The following RPTOR variants were observed in gnomAD, a reference collection of about 807,000 sequenced individuals.
RPTOR encodes the protein regulatory-associated protein of mTOR.
A neutral mutation model predicts 169.9 loss-of-function variants in RPTOR; 21 were observed. That is an observed-to-expected ratio of 0.12 (90% CI 0.09 to 0.18). The LOEUF is 0.18. Ranked by LOEUF, RPTOR falls within the 10% of genes least tolerant of loss-of-function variation. The probability of loss-of-function intolerance (pLI) is 1.00; values close to 1 mark genes in which losing one functional copy is unlikely to be tolerated. For synonymous variants in RPTOR, 732 were observed against 753.2 expected, an observed-to-expected ratio of 0.97 and a Z score of 0.46; for missense variants, 1,133 against 1,855.9, an observed-to-expected ratio of 0.61 and a Z score of 7.16.
intron 1 of RPTOR, among the ~76,000 whole-genome samples, chr17:80,564,447 C>T (rs561119314): frequency 6.6e-5 from 10 of 152,180 alleles, no homozygotes; most frequent in Non-Finnish European, 1.2e-4. Context: ...TAGGAGATAC[C>T]GCCACACCCT....
At chr17:80,824,856 G>T (rs1214102419) in intron 9 of RPTOR, among the ~76,000 whole-genome samples, 1 of 152,270 alleles carries the variant, frequency 6.6e-6, no homozygotes, top group African/African-American at 2.4e-5. Flanking sequence ...GGAGTCCGTG[G>T]TCAAAGACCA....
At chr17:80,792,092 G>A (rs977003014) in intron 7 of RPTOR, among the ~76,000 whole-genome samples, 2 of 152,092 alleles carry the variant, frequency 1.3e-5, no homozygotes, top group Non-Finnish European at 2.9e-5. Context: ...GATCTGAAGT[G>A]GTGTTTCAGG....
intron 25 of RPTOR, among the ~76,000 whole-genome samples, chr17:80,945,384 A>C (rs2069088750): frequency 6.6e-6 from 1 of 152,132 alleles, no homozygotes; most frequent in Non-Finnish European, 1.5e-5. Flanking sequence ...CAAGGTCAGG[A>C]GATCAAGACC....
intron 5 of RPTOR, among the ~76,000 whole-genome samples, chr17:80,751,257 C>G (rs1340740027): frequency 1.3e-5 from 2 of 152,132 alleles, no homozygotes; most frequent in African/African-American, 4.8e-5. Context: ...GTCGTAGGTG[C>G]TTGGTGGAGA....
intron 13 of RPTOR, among the ~76,000 whole-genome samples, chr17:80,867,411 A>G (rs1449365437): frequency 3.3e-5 from 5 of 152,042 alleles, no homozygotes; most frequent in Admixed American, 6.5e-5. Context: ...AACTTCGTCT[A>G]CCTGACAAAC....
chr17:80,749,034 A>G (rs60172170), intron 5 of RPTOR, among the ~76,000 whole-genome samples: 3 of 17,132 alleles, frequency 1.8e-4, no homozygotes, highest in Admixed American at 1.3e-3. Flanking sequence ...TGGCGGGAGG[A>G]CCTGTTGGAT....
At chr17:80,774,456 GT>G in intron 6 of RPTOR, 1 of 682,010 alleles carries the variant, frequency 1.5e-6, no homozygotes, top group Non-Finnish European at 1.8e-6. Context: ...ACATCACTGT[GT>G]TACTGATGAG....
intron 3 of RPTOR, among the ~76,000 whole-genome samples, chr17:80,665,965 C>G (rs553365944): frequency 6.6e-6 from 1 of 152,298 alleles, no homozygotes; most frequent in Admixed American, 6.5e-5. Context: ...ATCTCTCCCT[C>G]CCATCTGCCT....
At chr17:80,890,424 C>T (rs2068306374) in intron 17 of RPTOR, among the ~76,000 whole-genome samples, 1 of 152,144 alleles carries the variant, frequency 6.6e-6, no homozygotes, top group South Asian at 2.1e-4. Flanking sequence ...CTGTGGTTTG[C>T]CAGGGGAGCC....
At chr17:80,825,978 G>A (rs764150851) in intron 9 of RPTOR, among the ~76,000 whole-genome samples, 6 of 152,168 alleles carry the variant, frequency 3.9e-5, no homozygotes, top group Non-Finnish European at 5.9e-5. Flanking sequence ...CTGGGTCAGC[G>A]GTGGAGGGGT....
At chr17:80,761,763 C>T (rs1045922811) in intron 6 of RPTOR, among the ~76,000 whole-genome samples, 5 of 152,188 alleles carry the variant, frequency 3.3e-5, no homozygotes, top group African/African-American at 1.2e-4. Flanking sequence ...TCAGTGCTCT[C>T]GGGTCTTTTG....
chr17:80,709,016 CG>C (rs1316160368), intron 4 of RPTOR: 13 of 985,444 alleles, frequency 1.3e-5, no homozygotes, highest in Non-Finnish European at 1.4e-5. Context: ...AGCTAGCATT[CG>C]GCACAGGTGG....
At chr17:80,752,196 C>G (rs889316359) in intron 5 of RPTOR, among the ~76,000 whole-genome samples, 7 of 152,212 alleles carry the variant, frequency 4.6e-5, no homozygotes, top group African/African-American at 1.7e-4. Context: ...CTCTTTCTGT[C>G]CCTTTGTTTC....
chr17:80,879,356 C>T (rs1257737890), intron 13 of RPTOR, among the ~76,000 whole-genome samples: 3 of 150,686 alleles, frequency 2.0e-5, no homozygotes, highest in Non-Finnish European at 4.4e-5. Context: ...CACCTGCCCC[C>T]GCCTGCCCTG....
At chr17:80,848,934 G>A (rs749412622) in intron 11 of RPTOR, among the ~76,000 whole-genome samples, 17 of 152,188 alleles carry the variant, frequency 1.1e-4, no homozygotes, top group Non-Finnish European at 1.6e-4. Flanking sequence ...TCGGAGCGTG[G>A]GGCATTTCCC....
intron 28 of RPTOR, among the ~76,000 whole-genome samples, chr17:80,955,265 C>T (rs371205066): frequency 4.6e-5 from 7 of 152,244 alleles, no homozygotes; most frequent in African/African-American, 1.7e-4. Context: ...CAAGAGGCAC[C>T]AGGGCCCTCA....
chr17:80,873,816 G>A (rs2068076485), intron 13 of RPTOR, among the ~76,000 whole-genome samples: 1 of 152,242 alleles, frequency 6.6e-6, no homozygotes, highest in African/African-American at 2.4e-5. Context: ...AGTGCCACAT[G>A]TGGGAGGGCA....
At chr17:80,743,764 CTCTCCTGGTTACTAGCAG>C (rs1307205980) in intron 5 of RPTOR, among the ~76,000 whole-genome samples, 3,296 of 128,490 alleles carry the variant, frequency 0.026, 433 homozygotes, top group African/African-American at 0.032. Flanking sequence ...GCTACTAGCA[CTCTCCTGGTTACTAGCAG>C]AGCCCTGGCT....
intron 1 of RPTOR, among the ~76,000 whole-genome samples, chr17:80,613,225 C>T (rs896294598): frequency 1.3e-5 from 2 of 152,194 alleles, no homozygotes; most frequent in Non-Finnish European, 2.9e-5. Context: ...AATTCTCTCT[C>T]CAGACTCGAG....
Sources: gnomAD v4.1 joint callset for allele counts (sites outside exome capture counted in the v4.1 genomes callset) on GRCh38, gnomAD v4.1.1 for gene constraint, MANE v1.5 for transcripts, NCBI Gene and HGNC (gene_info 2026-07-23, HGNC 2026-07-21) for gene names.